Variants in SMG7 observed in about 807,000 individuals in gnomAD.
The protein encoded by SMG7 is SMG7 nonsense mediated mRNA decay factor.
A neutral mutation model predicts 148.2 loss-of-function variants in SMG7; 34 were observed. The observed-to-expected ratio is 0.23, with a 90% CI of 0.17 to 0.31. SMG7 has a LOEUF of 0.31. Ranked by LOEUF, SMG7 falls within the 10% of genes least tolerant of loss-of-function variation. The probability of loss-of-function intolerance (pLI) is 1.00; values close to 1 mark genes in which losing one functional copy is unlikely to be tolerated. For synonymous variants in SMG7, 492 were observed against 515.1 expected, an observed-to-expected ratio of 0.96 and a Z score of 0.61; for missense variants, 1,114 against 1,408.4, an observed-to-expected ratio of 0.79 and a Z score of 3.35.
At chr1:183,525,760 G>A (rs1665712548) in intron 4 of SMG7, among the ~76,000 whole-genome samples, 1 of 152,132 alleles carries the variant, frequency 6.6e-6, no homozygotes, top group Non-Finnish European at 1.5e-5. Context: ...TAAGAACAGA[G>A]AAGAGAGGAG....
chr1:183,553,561 A>T lies in SMG7; in HGVS notation c.*1630A>T, dbSNP rs1342423120. ...TGCAGTCTGGGCAACCCCAGCAATG[A>T]AAAGGGGTGAGATAACGCTCATTGC... is the stretch of plus-strand genomic sequence containing the variant. On this transcript the variant is annotated 3_prime_UTR_variant, in exon 23 of 23. Coordinates refer to ENST00000688051, the MANE Select transcript of SMG7 (RefSeq NM_001375584.1). 1 of 216,838 alleles carries T rather than the reference A, an allele frequency of 4.6e-6. No individual in the cohort carries two copies. Among genetic ancestry groups the T allele is most frequent in the Non-Finnish European group, 9.3e-6 (1 of 107,738 alleles). The allele number at this position is 216,838 out of a possible 1,614,324, so 13.4% of individuals were successfully genotyped here. A position where few individuals can be genotyped will look rare whatever the true frequency, so the allele number is the denominator to read the frequency against.
intron 18 of SMG7, among the ~76,000 whole-genome samples, chr1:183,548,625 T>C (rs950345594): frequency 6.6e-6 from 1 of 152,272 alleles, no homozygotes; most frequent in Non-Finnish European, 1.5e-5. Context: ...AGTAATGTTT[T>C]ATTAGCCAGC....
At chr1:183,528,658 C>G (rs1429990932) in intron 6 of SMG7, among the ~76,000 whole-genome samples, 3 of 152,120 alleles carry the variant, frequency 2.0e-5, no homozygotes, top group African/African-American at 4.8e-5. Flanking sequence ...TATAATCTAG[C>G]CCTTGCTGAA....
At position 183,533,631 on chromosome 1, in the gene SMG7, C is replaced by G. The variant is rs949667571; in HGVS notation, c.1007-45C>G. The G allele has an allele frequency of 2.6e-6, 4 of 1,528,616 alleles. 1 individual carries two copies. The highest frequency in any genetic ancestry group is 1.7e-4 in the Middle Eastern group (1 of 5,790). The allele number at this position is 1,528,616 out of a possible 1,614,324, so 94.7% of individuals were successfully genotyped here. A position where few individuals can be genotyped will look rare whatever the true frequency, so the allele number is the denominator to read the frequency against. ...CATAATATTTTAATTTGAACTGGCACAGTTTCATATTTCTTATGCTTTTTG... is the reference window on the plus strand; with the variant it reads ...CATAATATTTTAATTTGAACTGGCAGAGTTTCATATTTCTTATGCTTTTTG... On this transcript the variant is annotated intron_variant, in intron 9 of 22. Coordinates refer to ENST00000688051, the MANE Select transcript of SMG7 (RefSeq NM_001375584.1).
intron 1 of SMG7, among the ~76,000 whole-genome samples, chr1:183,494,679 C>T (rs1657984846): frequency 6.8e-6 from 1 of 147,876 alleles, no homozygotes; most frequent in African/African-American, 2.5e-5. Flanking sequence ...GGCATTTTTT[C>T]CCTAGTATTT....
chr1:183,473,384 G>C (rs998430533), intron 1 of SMG7, among the ~76,000 whole-genome samples: 4 of 151,994 alleles, frequency 2.6e-5, no homozygotes, highest in African/African-American at 9.7e-5. Flanking sequence ...TAAGGAACTT[G>C]TATGTCAGAG....
rs574997973 is a variant in SMG7, at chr1:183,547,225, C to T, written c.2865C>T (p.Leu955=). ...PDLYPALLGP[L]ASLPGRSLFK... is the part of the protein sequence containing the mutation. ...TTTACCCGGCTCTGCTGGGGCCTCTCGCCTCTCTTCCTGGACGAAGCCTTT... is the reference window on the plus strand; with the variant it reads ...TTTACCCGGCTCTGCTGGGGCCTCTTGCCTCTCTTCCTGGACGAAGCCTTT... The change falls in exon 18 of 23, where the codon CTC becomes CTT. Residue 955 remains leucine (L), a synonymous_variant. Transcript: ENST00000688051. The T allele has an allele frequency of 1.5e-5, 24 of 1,550,200 alleles. No homozygotes were observed. In the East Asian group the frequency reaches 2.7e-4, roughly 17 times the overall value.
chr1:183,505,441 A>C (rs562874573), intron 1 of SMG7, among the ~76,000 whole-genome samples: 2 of 152,158 alleles, frequency 1.3e-5, no homozygotes, highest in East Asian at 3.9e-4. Flanking sequence ...GGTGTCCTTC[A>C]TGGAGTGTCT....
At chr1:183,487,402 A>G (rs1376383680) in intron 1 of SMG7, among the ~76,000 whole-genome samples, 2 of 152,148 alleles carry the variant, frequency 1.3e-5, no homozygotes, top group African/African-American at 4.8e-5. Context: ...AGATAATTCA[A>G]TACACTCTCC....
At chr1:183,511,578 AAGT>A (rs1662176837) in intron 1 of SMG7, among the ~76,000 whole-genome samples, 1 of 152,190 alleles carries the variant, frequency 6.6e-6, no homozygotes, top group Non-Finnish European at 1.5e-5. Flanking sequence ...AGAGTAGTGG[AAGT>A]AGAGTTCAGA....
In SMG7 at chr1:183,547,368, G is replaced by A. The variant is rs1670106118; in HGVS notation, c.2892+116G>A. ...TCCTGGGGCTGTCCTTTTCAGAACT[G>A]TAAAACATATTTTCTAATTGCCTAA... On this transcript the variant is annotated intron_variant, in intron 18 of 22. Coordinates refer to ENST00000688051, the MANE Select transcript of SMG7 (RefSeq NM_001375584.1). 6.1e-6 allele frequency: 6 copies of A among 987,866 alleles called. No homozygotes were observed. The East Asian group carries it at 1.6e-4, about 27-fold the overall frequency. 61.2% of individuals were successfully genotyped at this position (987,866 alleles called of 1,614,324 possible).
chr1:183,517,443 C>T (rs1189130783), intron 3 of SMG7, among the ~76,000 whole-genome samples: 4 of 152,176 alleles, frequency 2.6e-5, no homozygotes, highest in African/African-American at 9.6e-5. Context: ...AGATTAATAG[C>T]TGAAGCCACA....
chr1:183,550,273 T>G (rs1256582152), intron 20 of SMG7, among the ~76,000 whole-genome samples: 2 of 152,176 alleles, frequency 1.3e-5, no homozygotes, highest in Non-Finnish European at 2.9e-5. Flanking sequence ...TCTTGTGGTG[T>G]TGCCCACTCT....
rs1329408582 is a variant in SMG7 at position 183,541,051 on chromosome 1, C to T, written c.1363C>T (p.Arg455Ter). 6.2e-7 allele frequency: 1 copy of T among 1,613,220 alleles called. No homozygotes were observed. The part of the protein sequence containing the change: ...GDKEGQQRRI[R>*]QQRLISIGKW... ...CAAAGAAGGCCAGCAACGACGAATACGACAGCAACGCTTGATCTCTATAGG... is the reference window on the plus strand; with the variant it reads ...CAAAGAAGGCCAGCAACGACGAATATGACAGCAACGCTTGATCTCTATAGG... Residue 455 changes from arginine to a stop codon, truncating the protein, a stop_gained, in exon 13 of 23, where the codon CGA (arginine) becomes TGA (stop). Transcript: ENST00000688051. LOFTEE classifies it high-confidence loss of function.
chr1:183,549,017 T>C, intron 18 of SMG7, 191 bp from the exon 19 acceptor site: 1 of 587,534 alleles, frequency 1.7e-6, no homozygotes, highest in Non-Finnish European at 3.0e-6. Context: ...GAGGATTCTA[T>C]GCACCTGTGG....
At position 183,552,040 on chromosome 1, in the gene SMG7, C is replaced by T. The variant is rs574061931; in HGVS notation, c.*109C>T. The T allele has an allele frequency of 1.1e-4, 155 of 1,398,682 alleles. 2 individuals are homozygous for T. In the East Asian group the frequency reaches 2.6e-3, roughly 23 times the overall value. 86.6% of individuals were successfully genotyped at this position (1,398,682 alleles called of 1,614,324 possible). On this transcript the variant is annotated 3_prime_UTR_variant, in exon 23 of 23. Coordinates refer to ENST00000688051, the MANE Select transcript of SMG7 (RefSeq NM_001375584.1). ...GGTGGCAGCCCTCTTTTCTGTTTCT[C>T]GCTGTCAAGAGGGTGTAAGTATTCC...
intron 1 of SMG7, chr1:183,473,982 AATG>A (rs1424589099): frequency 1.8e-6 from 1 of 540,778 alleles, no homozygotes. Context: ...GAGAGAAGAG[AATG>A]ATGAGATATT....
intron 2 of SMG7, chr1:183,513,100 C>A (rs1662560507): frequency 2.4e-6 from 1 of 416,770 alleles, no homozygotes. Flanking sequence ...TTGAATGTTA[C>A]CTAATTTAGT....
intron 13 of SMG7, among the ~76,000 whole-genome samples, chr1:183,541,305 AT>A (rs1212774680): frequency 6.6e-6 from 1 of 152,218 alleles, no homozygotes; most frequent in African/African-American, 2.4e-5. Flanking sequence ...TATACTCTTT[AT>A]TTAGAATCTC....
Sources: allele counts gnomAD v4.1 joint callset (sites outside exome capture counted in the v4.1 genomes callset), GRCh38; gene constraint gnomAD v4.1.1; transcripts MANE v1.5; gene names NCBI Gene and HGNC (gene_info 2026-07-23, HGNC 2026-07-21).